The following ZNF341 variants were observed in gnomAD, a reference collection of about 807,000 sequenced individuals.
ZNF341 encodes zinc finger protein 341.
In ZNF341, 52 loss-of-function variants were observed where a neutral mutation model predicts 87.7. The observed-to-expected ratio is 0.59, with a 90% confidence interval of 0.47 to 0.75. ZNF341 has a LOEUF of 0.75. Ranked by LOEUF, ZNF341 falls within the 30% of genes least tolerant of loss-of-function variation. The pLI is 0.00. For synonymous variants in ZNF341, 459 were observed against 472.7 expected, an observed-to-expected ratio of 0.97 and a Z score of 0.38; for missense variants, 977 against 1,145.9, an observed-to-expected ratio of 0.85 and a Z score of 2.13.
intron 5 of ZNF341, among the ~76,000 whole-genome samples, chr20:33,755,169 T>A (rs1026664168): frequency 1.3e-5 from 2 of 152,210 alleles, no homozygotes; most frequent in African/African-American, 4.8e-5. Context: ...GGTCTCGAAC[T>A]CCTGGCCTCA....
intron 10 of ZNF341, among the ~76,000 whole-genome samples, chr20:33,773,455 C>T (rs2019567085): frequency 6.6e-6 from 1 of 152,134 alleles, no homozygotes; most frequent in African/African-American, 2.4e-5. Flanking sequence ...GGAATGGTGT[C>T]ATGGGTAGTG....
At position 33,791,050 on chromosome 20, in the gene ZNF341, G is replaced by A. The variant is rs768560877; in HGVS notation, c.2098G>A (p.Glu700Lys). 17 of 1,613,400 alleles carry A rather than the reference G, an allele frequency of 1.1e-5. No homozygotes were observed. Among genetic ancestry groups the A allele is most frequent in the East Asian group, 6.7e-5 (3 of 44,898 alleles). ...KSFSRRAHLA[E>K]HQRAHTGNYK... ...CTTCAGCCGCCGTGCCCACCTCGCC[G>A]AGCATCAGCGCGCCCACACGGGCAA... The change falls in exon 15 of 15, where the codon GAG becomes AAG. Residue 700 changes from glutamate (E) to lysine (K), a missense_variant. By Grantham distance (56) the Glu-to-Lys change is moderately conservative. Around this residue, in one of 3 missense-constraint regions of ZNF341, gnomAD observed 241 missense variants for 335.0 expected, o/e 0.72. Transcript: ENST00000375200.
rs2018612245 is a variant in ZNF341 at position 33,733,199 on chromosome 20, A to G, written c.31+1147A>G. Among the ~76,000 whole-genome samples the G allele has an allele frequency of 2.7e-5, 4 of 145,664 alleles. 1 individual carries two copies. The South Asian group carries it at 8.7e-4, about 32-fold the overall frequency. On this transcript the variant is annotated intron_variant, in intron 1 of 14. Coordinates refer to ENST00000375200, the MANE Select transcript of ZNF341 (RefSeq NM_001282933.2). ...GTAGCTGGGACTATAGGCGTGCACC[A>G]CCACACCCGGCTAATTTCCTTTTTT...
rs1275008500 is a variant in ZNF341, at chr20:33,767,048, G to A, written c.1413+7G>A. 2.5e-6 allele frequency: 4 copies of A among 1,608,568 alleles called. No individual in the cohort carries two copies. The Admixed American group carries it at 5.0e-5, about 20-fold the overall frequency. ...CCAGCATAAGAATGAGCAGGTAGGT[G>A]GATGGTGGCAGCAGGGGCCCACACC... is the stretch of plus-strand genomic sequence containing the variant. On this transcript the variant is annotated splice_region_variant and intron_variant, in intron 9 of 14. Transcript: ENST00000375200.
At position 33,791,578 on chromosome 20, in the gene ZNF341, T is replaced by C. The variant is rs79656237; in HGVS notation, c.*61T>C. 849 of 1,464,242 alleles carry C rather than the reference T, an allele frequency of 5.8e-4. 3 individuals carry two copies. The African/African-American group carries it at 0.011, about 19-fold the overall frequency. The allele number at this position is 1,464,242 out of a possible 1,614,324, so 90.7% of individuals were successfully genotyped here. ...TGCTCCTGTTTGGGTCCAGGGCCCC[T>C]GGGGGCAGACCGGTGATCCTTACCA... On this transcript the variant is annotated 3_prime_UTR_variant, in exon 15 of 15. Transcript: ENST00000375200.
At chr20:33,782,092 G>A (rs893182329) in intron 11 of ZNF341, among the ~76,000 whole-genome samples, 1 of 152,144 alleles carries the variant, frequency 6.6e-6, no homozygotes, top group African/African-American at 2.4e-5. Context: ...ACAGGTATGA[G>A]CCATCATGCC....
intron 10 of ZNF341, among the ~76,000 whole-genome samples, chr20:33,780,317 T>C (rs1038983764): frequency 2.0e-5 from 3 of 151,694 alleles, no homozygotes; most frequent in Non-Finnish European, 4.4e-5. Flanking sequence ...GGATGAGGTC[T>C]GAGAGGTGGG....
In ZNF341 at chr20:33,758,697, C is replaced by G; in HGVS notation, c.938-19C>G. ...TGCACCCCCAGCCTCATTGTCCCCTCCTTCCACTTGTCTTTCAGCTGCAGG... is the reference window on the plus strand; with the variant it reads ...TGCACCCCCAGCCTCATTGTCCCCTGCTTCCACTTGTCTTTCAGCTGCAGG... On this transcript the variant is annotated intron_variant, in intron 6 of 14. Transcript: ENST00000375200. 1 of 1,608,482 alleles carries G rather than the reference C, an allele frequency of 6.2e-7. No individual in the cohort carries two copies.
intron 2 of ZNF341, among the ~76,000 whole-genome samples, chr20:33,741,408 C>CT (rs1390459769): frequency 2.4e-5 from 3 of 124,884 alleles, no homozygotes; most frequent in Admixed American, 8.0e-5. Context: ...TTTTTTTTTT[C>CT]TTTTTTTTCT....
intron 11 of ZNF341, 66 bp downstream of exon 11, chr20:33,781,453 G>A (rs1035846597): frequency 9.9e-6 from 14 of 1,408,110 alleles, no homozygotes; most frequent in African/African-American, 1.4e-5. Flanking sequence ...GGGGTGGGGT[G>A]CACACCTCAC....
At chr20:33,762,322 T>G (rs1384140664) in intron 8 of ZNF341, among the ~76,000 whole-genome samples, 1 of 151,698 alleles carries the variant, frequency 6.6e-6, no homozygotes, top group Non-Finnish European at 1.5e-5. Flanking sequence ...TCAGAATCTT[T>G]TTTTTTTTTT....
chr20:33,753,225 T>C lies in ZNF341; in HGVS notation c.543T>C (p.Pro181=). ...GCTACCTCACCCAGCCTCCACCTCC[T>C]CCTCCACCTCCTCCACCACTGCCCC... ...VPSYLTQPPP[P]PPPPPPLPPP... Residue 181 remains proline, a synonymous_variant, in exon 5 of 15, where the codon CCT becomes CCC. Transcript: ENST00000375200. 6 of 1,611,724 alleles carry C rather than the reference T, an allele frequency of 3.7e-6. No individual in the cohort carries two copies. The highest frequency in any genetic ancestry group is 5.1e-6 in the Non-Finnish European group (6 of 1,179,886).
In ZNF341 at chr20:33,753,327, C is replaced by T. The variant is rs773307366; in HGVS notation, c.645C>T (p.Asn215=). 3.0e-5 allele frequency: 49 copies of T among 1,610,652 alleles called. 1 individual carries two copies. The Admixed American group carries it at 3.6e-4, about 12-fold the overall frequency. ...GPPGRPNPGG[N]GVVEVYSAAA... is the part of the protein sequence containing the mutation. The stretch of plus-strand genomic sequence containing the variant: ...CTGGGCGTCCCAACCCTGGTGGGAA[C>T]GGTGTGGTGGAGGTGTACAGTGCTG... The change falls in exon 5 of 15, where the codon AAC becomes AAT. Residue 215 remains asparagine, a synonymous_variant. Transcript: ENST00000375200.
rs1601301319 is a variant in ZNF341, at chr20:33,791,805, C to T, written c.*288C>T. ...CTGAAGCCTGAGCAGCCCAGAGTCC[C>T]GCTGGTCTAGGCTGGTGGTCGGGGC... On this transcript the variant is annotated 3_prime_UTR_variant, in exon 15 of 15. Coordinates refer to ENST00000375200, the MANE Select transcript of ZNF341 (RefSeq NM_001282933.2). 7.6e-6 allele frequency: 3 copies of T among 392,446 alleles called. No homozygotes were observed. Among genetic ancestry groups the T allele is most frequent in the East Asian group, 7.6e-5 (2 of 26,352 alleles). The allele number at this position is 392,446 out of a possible 1,614,324, so 24.3% of individuals were successfully genotyped here.
chr20:33,745,929 CTTTT>C (rs1301920142), intron 3 of ZNF341, among the ~76,000 whole-genome samples: 1 of 132,778 alleles, frequency 7.5e-6, no homozygotes. Flanking sequence ...GGGTCTGGGC[CTTTT>C]TTTTTTTTTT....
chr20:33,749,757 C>CT (rs34065737), intron 4 of ZNF341, among the ~76,000 whole-genome samples: 19,247 of 140,980 alleles, frequency 0.14, 1,611 homozygotes, highest in African/African-American at 0.26. Flanking sequence ...TGTTTTTGTT[C>CT]TTTTTTTTTT....
At chr20:33,747,901 C>T (rs1024996753) in intron 3 of ZNF341, among the ~76,000 whole-genome samples, 1 of 151,118 alleles carries the variant, frequency 6.6e-6, no homozygotes, top group Non-Finnish European at 1.5e-5. Context: ...TCACTGTTGG[C>T]CAGGCTGGTC....
chr20:33,783,782 C>CG lies in ZNF341; in HGVS notation c.1775dup (p.Arg593GlnfsTer27), dbSNP rs1167242781. 6.2e-7 allele frequency: 1 copy of CG among 1,613,764 alleles called. No individual in the cohort carries two copies. The highest frequency in any genetic ancestry group is 1.3e-5 in the African/African-American group (1 of 74,928). ...GGCGTCATCTGCCCACCCACGGCAG[C>CG]GGGGGCAGGTTCAAGTGCCAAGTGT... On this transcript the variant is annotated frameshift_variant, in exon 12 of 15. Coordinates refer to ENST00000375200, the MANE Select transcript of ZNF341 (RefSeq NM_001282933.2). LOFTEE classifies it high-confidence loss of function.
intron 2 of ZNF341, among the ~76,000 whole-genome samples, chr20:33,744,615 G>A (rs1057336114): frequency 1.2e-4 from 18 of 151,332 alleles, no homozygotes; most frequent in African/African-American, 4.1e-4. Flanking sequence ...TTTTTGAGAT[G>A]GAGTCTCGCT....
Sources: allele counts gnomAD v4.1 joint callset (sites outside exome capture counted in the v4.1 genomes callset), GRCh38; gene constraint gnomAD v4.1.1; regional missense constraint gnomAD v4.1.1; transcripts MANE v1.5; gene names NCBI Gene and HGNC (gene_info 2026-07-23, HGNC 2026-07-21).